ZNF280D: variants seen among roughly 807,000 people sequenced by gnomAD.
The protein encoded by ZNF280D is zinc finger protein 280D, also known as suppressor of hairy wing homolog 4.
ZNF280D carries 39 observed loss-of-function variants against 94.7 expected under a neutral mutation model. That is an observed-to-expected ratio of 0.41 (90% CI 0.32 to 0.54). ZNF280D has a LOEUF of 0.54. Ranked by LOEUF, ZNF280D falls within the 20% of genes least tolerant of loss-of-function variation. The pLI is 0.22. For missense variants in ZNF280D, 1,090 were observed against 1,149.3 expected, an observed-to-expected ratio of 0.95 and a Z score of 0.75; for synonymous variants, 398 against 377.6, an observed-to-expected ratio of 1.05 and a Z score of -0.63.
chr15:56,681,243 G>C (rs2055596451), intron 10 of ZNF280D, among the ~76,000 whole-genome samples: 1 of 152,126 alleles, frequency 6.6e-6, no homozygotes. Flanking sequence ...AATAAATGCT[G>C]AACTCAGAAG....
chr15:56,698,954 CT>C (rs1273115849), intron 6 of ZNF280D: 1 of 152,154 alleles, frequency 6.6e-6, no homozygotes, highest in Non-Finnish European at 1.5e-5. Context: ...TGAATGCAGC[CT>C]TGTGAGATCC....
At chr15:56,715,753 T>C (rs150629104) in intron 1 of ZNF280D, among the ~76,000 whole-genome samples, 4 of 152,160 alleles carry the variant, frequency 2.6e-5, no homozygotes, top group Non-Finnish European at 2.9e-5. Context: ...AAATTGAAGA[T>C]GTACTGCTGA....
At chr15:56,704,357 C>A in intron 3 of ZNF280D, 90 bp from the exon 4 acceptor site, 10 of 1,242,444 alleles carry the variant, frequency 8.0e-6, no homozygotes, top group Non-Finnish European at 1.0e-5. Context: ...TTAAGGTGTA[C>A]TTTAATAATC....
intron 21 of ZNF280D, among the ~76,000 whole-genome samples, chr15:56,633,846 T>C (rs555805563): frequency 7.2e-6 from 1 of 138,036 alleles, no homozygotes; most frequent in South Asian, 2.4e-4. Context: ...ATGGTATTAA[T>C]AGTGAGAAAA....
rs750524613 is a variant in ZNF280D, at chr15:56,654,505, T to TA, written c.2058-3dup. The TA allele has an allele frequency of 0.015, 17,158 of 1,139,342 alleles. No individual in the cohort carries two copies. The highest frequency in any genetic ancestry group is 0.021 in the South Asian group (1,197 of 58,284). 70.6% of individuals were successfully genotyped at this position (1,139,342 alleles called of 1,614,324 possible). On this transcript the variant is annotated splice_region_variant and splice_polypyrimidine_tract_variant and intron_variant, in intron 17 of 21. Coordinates refer to ENST00000267807, the MANE Select transcript of ZNF280D (RefSeq NM_017661.4). ...TTAAGGCACACTAGAGTAATGCCCCTAAAAAAAAAAGCATTAAAAAAAGAT... is the reference window on the plus strand; with the variant it reads ...TTAAGGCACACTAGAGTAATGCCCCTAAAAAAAAAAAGCATTAAAAAAAGAT...
chr15:56,710,648 C>CT (rs1423308270), intron 1 of ZNF280D, among the ~76,000 whole-genome samples: 1 of 151,402 alleles, frequency 6.6e-6, no homozygotes, highest in African/African-American at 2.4e-5. Context: ...TAAACTGTAT[C>CT]TTATTTTTTC....
chr15:56,721,592 G>A (rs1450171097), intron 1 of ZNF280D, among the ~76,000 whole-genome samples: 1 of 152,136 alleles, frequency 6.6e-6, no homozygotes, highest in Non-Finnish European at 1.5e-5. Context: ...ATACTTTTAT[G>A]TTATGGAGAC....
At chr15:56,689,688 T>C (rs1013320194) in intron 7 of ZNF280D, among the ~76,000 whole-genome samples, 1 of 151,180 alleles carries the variant, frequency 6.6e-6, no homozygotes, top group Non-Finnish European at 1.5e-5. Flanking sequence ...AAAAAAATAA[T>C]CCCTCTATGA....
At chr15:56,718,735 G>C (rs2058179123) in intron 1 of ZNF280D, among the ~76,000 whole-genome samples, 1 of 152,144 alleles carries the variant, frequency 6.6e-6, no homozygotes, top group South Asian at 2.1e-4. Context: ...CACTTTGTCA[G>C]TCAAAACTGA....
rs185372642 is a variant in ZNF280D at position 56,726,555 on chromosome 15, C to T, written c.-86+6903G>A. Among the ~76,000 whole-genome samples, 5 of 152,072 alleles carry T rather than the reference C, an allele frequency of 3.3e-5. No homozygotes were observed. The East Asian group carries it at 9.7e-4, about 29-fold the overall frequency. ...TGGGATGTTAGTGGCTTTATTTTTCCTACATCTTGAAATATTTTGCTAACT... is the reference window on the plus strand; with the variant it reads ...TGGGATGTTAGTGGCTTTATTTTTCTTACATCTTGAAATATTTTGCTAACT... On this transcript the variant is annotated intron_variant, in intron 1 of 21. Coordinates refer to ENST00000267807, the MANE Select transcript of ZNF280D (RefSeq NM_017661.4).
Position 56,630,984 on chromosome 15 carries a change from A to G in ZNF280D, c.*514T>C, listed in dbSNP as rs1172109696. 1.3e-5 allele frequency: 2 copies of G among 156,106 alleles called. No individual in the cohort carries two copies. Among genetic ancestry groups the G allele is most frequent in the African/African-American group, 4.8e-5 (2 of 41,462 alleles). The allele number at this position is 156,106 out of a possible 1,614,324, so 9.7% of individuals were successfully genotyped here. The stretch of plus-strand genomic sequence containing the variant: ...ATTAGATCAATTTAGTACTCTAAGC[A>G]TGCTCCATTTACCAGCATCATCCTC... On this transcript the variant is annotated 3_prime_UTR_variant, in exon 22 of 22. Coordinates refer to ENST00000267807, the MANE Select transcript of ZNF280D (RefSeq NM_017661.4).
At position 56,682,430 on chromosome 15, in the gene ZNF280D, T is replaced by A; in HGVS notation, c.828A>T (p.Thr276=). The change falls in exon 10 of 22, where the codon ACA becomes ACT. Residue 276 remains threonine, a synonymous_variant. Transcript: ENST00000267807. ...MINNFLGLAK[T]EFSSTVNKNT... ...TTTTATTTACTGTACTTGAAAATTCTGTTTTAGCCAGTCCCAAAAAGTTAT... is the reference window on the plus strand; with the variant it reads ...TTTTATTTACTGTACTTGAAAATTCAGTTTTAGCCAGTCCCAAAAAGTTAT... 6.3e-7 allele frequency: 1 copy of A among 1,580,798 alleles called. No individual in the cohort carries two copies. Among genetic ancestry groups the A allele is most frequent in the Admixed American group, 2.0e-5 (1 of 50,112 alleles).
rs534428940 is a variant in ZNF280D at position 56,649,381 on chromosome 15, A to G, written c.2213+4817T>C. ...GTCTCAAATTCTCCCTGCTTACCAG[A>G]TATCAAAGGCAGAAGTCCAAATTGC... On this transcript the variant is annotated intron_variant, in intron 19 of 21. Transcript: ENST00000267807. 1.6e-4 allele frequency among the ~76,000 whole-genome samples: 24 copies of G among 152,286 alleles called. No individual in the cohort carries two copies. The South Asian group carries it at 3.5e-3, about 22-fold the overall frequency.
chr15:56,641,422 T>C (rs1040030719), intron 20 of ZNF280D, among the ~76,000 whole-genome samples: 4 of 152,018 alleles, frequency 2.6e-5, no homozygotes, highest in African/African-American at 9.6e-5. Flanking sequence ...ATTTTGTCAT[T>C]TGATATTATA....
At chr15:56,717,888 A>T (rs1354205663) in intron 1 of ZNF280D, among the ~76,000 whole-genome samples, 1 of 152,148 alleles carries the variant, frequency 6.6e-6, no homozygotes, top group East Asian at 1.9e-4. Flanking sequence ...ACTTCATCTC[A>T]ATATAAGAAC....
chr15:56,678,278 C>G (rs1490234663), intron 11 of ZNF280D, among the ~76,000 whole-genome samples: 1 of 152,058 alleles, frequency 6.6e-6, no homozygotes, highest in Non-Finnish European at 1.5e-5. Flanking sequence ...AAAGTGCTGA[C>G]TGGGATTACA....
Position 56,678,770 on chromosome 15 carries a change from C to T in ZNF280D, c.1056G>A (p.Glu352=). The T allele has an allele frequency of 6.2e-7, 1 of 1,612,580 alleles. No individual in the cohort carries two copies. Residue 352 remains glutamate, a synonymous_variant, in exon 11 of 22, where the codon GAG becomes GAA. Transcript: ENST00000267807. ...GGCAGGTGGTATGGTTTTCCCAGCT[C>T]TCACTGCTCTGCTTCTCAAGTTCCA... ...HHLELEKQSS[E]SWENHTTCQH... is the part of the protein sequence containing the mutation.
At chr15:56,697,763 A>T (rs2056839345) in intron 6 of ZNF280D, 1 of 152,148 alleles carries the variant, frequency 6.6e-6, no homozygotes, top group African/African-American at 2.4e-5. Flanking sequence ...AATATTTTAT[A>T]ATATTTATTT....
At chr15:56,724,666 T>C (rs1004304475) in intron 1 of ZNF280D, among the ~76,000 whole-genome samples, 2 of 152,222 alleles carry the variant, frequency 1.3e-5, no homozygotes, top group Non-Finnish European at 2.9e-5. Flanking sequence ...TAACACCGCC[T>C]TTTGCAAAGA....
Sources: allele counts gnomAD v4.1 joint callset (sites outside exome capture counted in the v4.1 genomes callset), GRCh38; gene constraint gnomAD v4.1.1; transcripts MANE v1.5; gene names NCBI Gene and HGNC (gene_info 2026-07-23, HGNC 2026-07-21).